The following MAPKBP1 variants were observed in gnomAD, a reference collection of about 807,000 sequenced individuals.
The protein encoded by MAPKBP1 is mitogen-activated protein kinase binding protein 1.
In MAPKBP1, 71 loss-of-function variants were observed where a neutral mutation model predicts 170.5. That is an observed-to-expected ratio of 0.42 (90% confidence interval 0.34 to 0.51). The LOEUF (loss-of-function observed/expected upper bound fraction) is 0.51, where lower values mean the gene tolerates loss of function less well. Ranked by LOEUF, MAPKBP1 falls within the 20% of genes least tolerant of loss-of-function variation. The pLI is 0.06. For synonymous variants in MAPKBP1, 719 were observed against 757.9 expected, an observed-to-expected ratio of 0.95 and a Z score of 0.84; for missense variants, 1,598 against 1,933.0, an observed-to-expected ratio of 0.83 and a Z score of 3.25.
chr15:41,818,620 A>C lies in MAPKBP1; in HGVS notation c.2156+38A>C. On this transcript the variant is annotated intron_variant, in intron 19 of 30. Transcript: ENST00000457542. This position sits in a 1 kb window ranked among gnomAD's most constrained non-coding sequence, Gnocchi z 5.2. ...CAGCTTCCCTGAGAGGCAGATTCTT[A>C]CTCTGCCACAGCACCCTGCCCTCCC... 6.3e-7 allele frequency: 1 copy of C among 1,584,868 alleles called. No homozygotes were observed. Among genetic ancestry groups the C allele is most frequent in the Non-Finnish European group, 8.6e-7 (1 of 1,159,666 alleles).
At position 41,823,955 on chromosome 15, in the gene MAPKBP1, C is replaced by G. The variant is rs1477787014; in HGVS notation, c.4107C>G (p.Val1369=). Residue 1369 remains valine (V), a synonymous_variant, in exon 29 of 31, where the codon GTC becomes GTG. Transcript: ENST00000457542. The part of the protein sequence containing the change: ...PSSPCAQQLP[V]SSLFQGPENL... ...GCCCCTGTGCCCAGCAACTGCCAGT[C>G]AGCAGCCTCTTCCAAGGCCCTGAAA... The G allele has an allele frequency of 3.7e-6, 6 of 1,614,144 alleles. No individual in the cohort carries two copies.
At chr15:41,796,453 A>T (rs188503901) in intron 2 of MAPKBP1, among the ~76,000 whole-genome samples, 1 of 152,222 alleles carries the variant, frequency 6.6e-6, no homozygotes, top group Admixed American at 6.5e-5. Context: ...GGAACTCTGG[A>T]CTCTTAGATC....
At position 41,801,839 on chromosome 15, in the gene MAPKBP1, G is replaced by A. The variant is rs2064600079; in HGVS notation, c.206+1925G>A. ...CACTCCAGCCTGGGCGACAAAGAGA[G>A]ACTCTGTCTTAAAAAAAAACAAGCC... is the stretch of plus-strand genomic sequence containing the variant. On this transcript the variant is annotated intron_variant, in intron 3 of 30. Transcript: ENST00000457542. Among the ~76,000 whole-genome samples the A allele has an allele frequency of 2.0e-5, 3 of 152,046 alleles. No homozygotes were observed. In the South Asian group the frequency reaches 6.2e-4, roughly 32 times the overall value.
intron 3 of MAPKBP1, among the ~76,000 whole-genome samples, chr15:41,803,574 G>T (rs1224589293): frequency 6.6e-6 from 1 of 151,928 alleles, no homozygotes; most frequent in African/African-American, 2.4e-5. Context: ...AATTAGCTGG[G>T]TATGGTGGCA....
intron 2 of MAPKBP1, among the ~76,000 whole-genome samples, chr15:41,794,727 T>C (rs1226715444): frequency 6.6e-6 from 1 of 152,200 alleles, no homozygotes; most frequent in Admixed American, 6.5e-5. Flanking sequence ...TTTAAAGTGC[T>C]GGGAATACAT....
Position 41,823,267 on chromosome 15 carries a change from A to T in MAPKBP1, c.3598+45A>T, listed in dbSNP as rs201152743. ...CAGTGCCAGGGTGCAGGGTGTATGG[A>T]ACACATGTACATGCTGGAGGAGGGA... On this transcript the variant is annotated intron_variant, in intron 28 of 30. Transcript: ENST00000457542. 14 of 1,592,464 alleles carry T rather than the reference A, an allele frequency of 8.8e-6. No homozygotes were observed. In the African/African-American group the frequency reaches 1.6e-4, roughly 18 times the overall value.
At chr15:41,819,487 G>A (rs746666633) in intron 21 of MAPKBP1, 108 bp downstream of exon 21, 1 of 1,576,176 alleles carries the variant, frequency 6.3e-7, no homozygotes, top group South Asian at 1.1e-5. Flanking sequence ...AGGAAACTGA[G>A]GCATCACTGT....
chr15:41,820,232 A>C (rs1365478560), intron 22 of MAPKBP1, among the ~76,000 whole-genome samples: 2 of 152,128 alleles, frequency 1.3e-5, no homozygotes, highest in Non-Finnish European at 2.9e-5. Flanking sequence ...ACAGTTTCAC[A>C]GAGTGATGAT....
Position 41,823,861 on chromosome 15 carries a change from G to A in MAPKBP1, c.4013G>A (p.Trp1338Ter). Residue 1338 changes from tryptophan to a stop codon, truncating the protein, a stop_gained, in exon 29 of 31, where the codon TGG (tryptophan) becomes TAG (stop). Coordinates refer to ENST00000457542, the MANE Select transcript of MAPKBP1 (RefSeq NM_014994.3). LOFTEE classifies it high-confidence loss of function. ...AAAGCTCACAGTACAACTGAGAGATGGGCCTGTTTGGGGGAGGGCACCACT... is the reference window on the plus strand; with the variant it reads ...AAAGCTCACAGTACAACTGAGAGATAGGCCTGTTTGGGGGAGGGCACCACT... ...LGKAHSTTER[W>*]ACLGEGTTPK... is the part of the protein sequence containing the mutation. 1 of 1,614,182 alleles carries A rather than the reference G, an allele frequency of 6.2e-7. No individual in the cohort carries two copies. Among genetic ancestry groups the A allele is most frequent in the Non-Finnish European group, 8.5e-7 (1 of 1,180,032 alleles).
At chr15:41,812,686 G>A in intron 7 of MAPKBP1, 33 bp downstream of exon 7, 2 of 1,561,250 alleles carry the variant, frequency 1.3e-6, no homozygotes, top group Non-Finnish European at 1.7e-6. Flanking sequence ...AGCCACCAAG[G>A]CCCCTGGCAG....
At chr15:41,792,438 C>T (rs1245337552) in intron 2 of MAPKBP1, among the ~76,000 whole-genome samples, 1 of 152,162 alleles carries the variant, frequency 6.6e-6, no homozygotes, top group Non-Finnish European at 1.5e-5. Flanking sequence ...TATACGCTTT[C>T]TTCCATCTCA....
Position 41,818,497 on chromosome 15 carries a change from C to A in MAPKBP1, c.2093-22C>A. The A allele has an allele frequency of 6.2e-7, 1 of 1,607,376 alleles. No individual in the cohort carries two copies. Among genetic ancestry groups the A allele is most frequent in the Non-Finnish European group, 8.5e-7 (1 of 1,176,038 alleles). Reference sequence around the variant, plus strand: ...TTGGGAATTTAAGGTGGCTTATAGACCGTATTCTTTGTTCTTCACAGAGAT... The same window carrying A: ...TTGGGAATTTAAGGTGGCTTATAGAACGTATTCTTTGTTCTTCACAGAGAT... On this transcript the variant is annotated intron_variant, in intron 18 of 30. Coordinates refer to ENST00000457542, the MANE Select transcript of MAPKBP1 (RefSeq NM_014994.3). This position sits in a 1 kb window ranked among gnomAD's most constrained non-coding sequence, Gnocchi z 5.2.
intron 2 of MAPKBP1, among the ~76,000 whole-genome samples, chr15:41,789,245 G>C (rs2064352194): frequency 6.6e-6 from 1 of 151,924 alleles, no homozygotes; most frequent in Non-Finnish European, 1.5e-5. Flanking sequence ...AGCTTTGTTT[G>C]TGGTTCTGGT....
chr15:41,806,006 TC>T (rs1244424956), intron 3 of MAPKBP1, among the ~76,000 whole-genome samples: 2 of 152,170 alleles, frequency 1.3e-5, no homozygotes, highest in African/African-American at 2.4e-5. Flanking sequence ...CCCAGGAGGT[TC>T]CTTGGCAGCC....
rs1229178350 is a variant in MAPKBP1, at chr15:41,818,382, T to C, written c.2092+77T>C. 1.4e-6 allele frequency: 2 copies of C among 1,426,286 alleles called. No individual in the cohort carries two copies. The highest frequency in any genetic ancestry group is 2.8e-5 in the African/African-American group (2 of 71,156). The allele number at this position is 1,426,286 out of a possible 1,614,324, so 88.4% of individuals were successfully genotyped here. On this transcript the variant is annotated intron_variant, in intron 18 of 30. Transcript: ENST00000457542. The surrounding 1 kb of genome is among the most constrained non-coding windows in gnomAD (Gnocchi z 5.2). ...GTGAGTTCCACCCCTGGAACTTCAC[T>C]CTTCTATTAGTTTCTTGGGACCCGC... is the stretch of plus-strand genomic sequence containing the variant.
intron 3 of MAPKBP1, among the ~76,000 whole-genome samples, chr15:41,802,803 G>A (rs991714335): frequency 6.6e-6 from 1 of 152,130 alleles, no homozygotes; most frequent in African/African-American, 2.4e-5. Context: ...TCTTCTATAA[G>A]CTTTAAATGT....
At chr15:41,779,084 G>C (rs532058912) in intron 2 of MAPKBP1, among the ~76,000 whole-genome samples, 1 of 152,012 alleles carries the variant, frequency 6.6e-6, no homozygotes. Flanking sequence ...GTGGTACTTC[G>C]AGCCTTTTGA....
At position 41,816,661 on chromosome 15, in the gene MAPKBP1, T is replaced by C. The variant is rs1322529641; in HGVS notation, c.1585+11T>C. On this transcript the variant is annotated intron_variant, in intron 13 of 30. Transcript: ENST00000457542. Reference sequence around the variant, plus strand: ...CTAAGCCAGACACAGGTTAGGAGAATGCCCGGAATGGCACAGGGCTCCTCC... The same window carrying C: ...CTAAGCCAGACACAGGTTAGGAGAACGCCCGGAATGGCACAGGGCTCCTCC... The C allele has an allele frequency of 6.2e-7, 1 of 1,611,968 alleles. No homozygotes were observed. Among genetic ancestry groups the C allele is most frequent in the Non-Finnish European group, 8.5e-7 (1 of 1,178,664 alleles).
intron 2 of MAPKBP1, among the ~76,000 whole-genome samples, chr15:41,791,513 A>G (rs1222152828): frequency 6.6e-6 from 1 of 152,240 alleles, no homozygotes; most frequent in Non-Finnish European, 1.5e-5. Context: ...ACTCGCTTCC[A>G]TTGGCTAGTG....
Sources: gnomAD v4.1 joint callset for allele counts (sites outside exome capture counted in the v4.1 genomes callset) on GRCh38, gnomAD v4.1.1 for gene constraint, Gnocchi (gnomAD v3.1) non-coding constraint, MANE v1.5 for transcripts, NCBI Gene and HGNC (gene_info 2026-07-23, HGNC 2026-07-21) for gene names.